The following DCC variants were observed in gnomAD, a reference collection of about 807,000 sequenced individuals.
DCC encodes the protein DCC netrin 1 receptor.
Under a neutral mutation model 172.5 loss-of-function variants are expected in DCC, and 58 were observed. The observed-to-expected ratio is 0.34, with a 90% confidence interval of 0.27 to 0.42. The LOEUF is 0.42. Among genes scored for constraint, DCC ranks in the 10% least tolerant of loss-of-function variants. The pLI is 1.00. For synonymous variants in DCC, 709 were observed against 644.5 expected, an observed-to-expected ratio of 1.10 and a Z score of -1.52; for missense variants, 1,740 against 1,791.0, an observed-to-expected ratio of 0.97 and a Z score of 0.51.
chr18:52,623,477 G>C (rs963407915), intron 1 of DCC, among the ~76,000 whole-genome samples: 5 of 152,088 alleles, frequency 3.3e-5, no homozygotes, highest in African/African-American at 9.7e-5. Context: ...TCTAAAGTGT[G>C]GGGGGAGAGA....
intron 5 of DCC, among the ~76,000 whole-genome samples, chr18:52,974,334 A>G (rs1416902767): frequency 6.6e-6 from 1 of 152,110 alleles, no homozygotes; most frequent in African/African-American, 2.4e-5. Context: ...AGATTGAGGC[A>G]TGAAATAGGT....
chr18:52,938,728 T>C (rs933788607), intron 5 of DCC, among the ~76,000 whole-genome samples: 4 of 152,148 alleles, frequency 2.6e-5, no homozygotes, highest in African/African-American at 4.8e-5. Context: ...ATGGCCTCAG[T>C]GTTGCAATAT....
At chr18:52,591,574 T>A (rs747618252) in intron 1 of DCC, among the ~76,000 whole-genome samples, 9 of 151,864 alleles carry the variant, frequency 5.9e-5, no homozygotes, top group Non-Finnish European at 1.2e-4. Context: ...CAAAATTATA[T>A]CTTTAAGGTC....
chr18:53,456,846 G>A (rs979387844), intron 23 of DCC, among the ~76,000 whole-genome samples: 4 of 152,188 alleles, frequency 2.6e-5, no homozygotes, highest in Non-Finnish European at 4.4e-5. Context: ...ATGGGCAGAA[G>A]GTCAGGGTGA....
intron 5 of DCC, among the ~76,000 whole-genome samples, chr18:52,984,243 G>A (rs1277470280): frequency 6.6e-6 from 1 of 151,930 alleles, no homozygotes; most frequent in Non-Finnish European, 1.5e-5. Flanking sequence ...CATAGAAATA[G>A]AATAAAATTT....
At chr18:52,926,398 G>A (rs1020141289) in intron 5 of DCC, among the ~76,000 whole-genome samples, 9 of 151,686 alleles carry the variant, frequency 5.9e-5, no homozygotes, top group Non-Finnish European at 1.0e-4. Flanking sequence ...AACCAGGAAT[G>A]GGCAAAAGAC....
At chr18:53,470,827 A>G (rs777197480) in intron 25 of DCC, among the ~76,000 whole-genome samples, 2 of 152,186 alleles carry the variant, frequency 1.3e-5, no homozygotes, top group African/African-American at 2.4e-5. Flanking sequence ...AACTGCCCCA[A>G]TGAGCCAATC....
intron 20 of DCC, among the ~76,000 whole-genome samples, chr18:53,414,065 C>A (rs1016163145): frequency 1.3e-5 from 2 of 152,090 alleles, no homozygotes; most frequent in African/African-American, 4.8e-5. Context: ...CATTAATTTT[C>A]AATGGGAAAC....
intron 1 of DCC, among the ~76,000 whole-genome samples, chr18:52,591,252 C>T (rs2033793505): frequency 2.0e-5 from 3 of 151,494 alleles, no homozygotes; most frequent in Admixed American, 1.3e-4. Flanking sequence ...AAAAAGCATG[C>T]TAATTATGGA....
At chr18:52,585,225 T>A (rs930157730) in intron 1 of DCC, among the ~76,000 whole-genome samples, 1 of 152,204 alleles carries the variant, frequency 6.6e-6, no homozygotes, top group African/African-American at 2.4e-5. Context: ...GGGAAGACAG[T>A]CGAATGAGGA....
intron 1 of DCC, among the ~76,000 whole-genome samples, chr18:52,538,767 G>GT (rs936930322): frequency 4.0e-4 from 61 of 151,264 alleles, no homozygotes; most frequent in Non-Finnish European, 6.9e-4. Context: ...TTACAAACAT[G>GT]TTTTTTTTTC....
chr18:52,717,358 C>T (rs995249518), intron 1 of DCC, among the ~76,000 whole-genome samples: 13 of 151,528 alleles, frequency 8.6e-5, no homozygotes, highest in African/African-American at 3.2e-4. Flanking sequence ...ATTCATTTAA[C>T]AGGCATAGTG....
At chr18:53,245,271 A>C (rs1230446942) in intron 12 of DCC, among the ~76,000 whole-genome samples, 1 of 152,122 alleles carries the variant, frequency 6.6e-6, no homozygotes, top group African/African-American at 2.4e-5. Context: ...CTCAGGTATA[A>C]TTTTATTTGG....
intron 1 of DCC, among the ~76,000 whole-genome samples, chr18:52,590,884 A>G (rs879145416): frequency 6.6e-6 from 1 of 152,238 alleles, no homozygotes; most frequent in Non-Finnish European, 1.5e-5. Context: ...TTCCTAGTTA[A>G]AAGACCATTA....
intron 1 of DCC, among the ~76,000 whole-genome samples, chr18:52,743,020 T>C (rs1057073008): frequency 6.6e-6 from 1 of 152,218 alleles, no homozygotes; most frequent in Non-Finnish European, 1.5e-5. Context: ...TATTATGATA[T>C]ATGATTTTAT....
intron 5 of DCC, among the ~76,000 whole-genome samples, chr18:53,037,120 G>A (rs192277634): frequency 6.6e-6 from 1 of 152,000 alleles, no homozygotes; most frequent in African/African-American, 2.4e-5. Flanking sequence ...TCCTCAAAGA[G>A]GCATTGTCAA....
At chr18:52,548,283 A>G (rs1183732108) in intron 1 of DCC, among the ~76,000 whole-genome samples, 1 of 152,086 alleles carries the variant, frequency 6.6e-6, no homozygotes, top group Admixed American at 6.6e-5. Context: ...ATAAGTTGTG[A>G]AAGTCACCCT....
intron 1 of DCC, among the ~76,000 whole-genome samples, chr18:52,637,642 C>T (rs978225298): frequency 6.6e-6 from 1 of 152,140 alleles, no homozygotes; most frequent in Non-Finnish European, 1.5e-5. Context: ...AAAATATGAA[C>T]AAAGCCTCCA....
intron 2 of DCC, among the ~76,000 whole-genome samples, chr18:52,866,516 C>T (rs2039231533): frequency 6.6e-6 from 1 of 152,180 alleles, no homozygotes; most frequent in Admixed American, 6.5e-5. Context: ...TTCTTCCTAT[C>T]CATGAGCATG....
Sources: gnomAD v4.1 joint callset for allele counts (sites outside exome capture counted in the v4.1 genomes callset) on GRCh38, gnomAD v4.1.1 for gene constraint, MANE v1.5 for transcripts, NCBI Gene and HGNC (gene_info 2026-07-23, HGNC 2026-07-21) for gene names.